RAD51: variants seen among roughly 807,000 people sequenced by gnomAD.
RAD51 encodes the protein RAD51 recombinase.
In RAD51, 14 loss-of-function variants were observed where a neutral mutation model predicts 41.5. The observed-to-expected ratio is 0.34, with a 90% CI of 0.22 to 0.53. The LOEUF (loss-of-function observed/expected upper bound fraction) is 0.53. Ranked by LOEUF, RAD51 falls within the 20% of genes least tolerant of loss-of-function variation. The pLI is 0.95. For missense variants in RAD51, 234 were observed against 422.0 expected, an observed-to-expected ratio of 0.55 and a Z score of 3.90; for synonymous variants, 136 against 148.6, an observed-to-expected ratio of 0.92 and a Z score of 0.62.
At position 40,721,244 on chromosome 15, in the gene RAD51, C is replaced by T. The variant is rs767159973; in HGVS notation, c.530+2345C>T. On this transcript the variant is annotated intron_variant, in intron 6 of 9. Transcript: ENST00000267868. ...TTCAACCCAATCCTTATCAAAATTCCAGCAAGCTTTTTTTGCAGAAATTTA... is the reference window on the plus strand; with the variant it reads ...TTCAACCCAATCCTTATCAAAATTCTAGCAAGCTTTTTTTGCAGAAATTTA... 4.9e-4 allele frequency among the ~76,000 whole-genome samples: 75 copies of T among 152,138 alleles called. 1 individual carries two copies. The highest frequency in any genetic ancestry group is 1.0e-4 in the Non-Finnish European group (7 of 68,032).
intron 5 of RAD51, among the ~76,000 whole-genome samples, chr15:40,710,858 A>C (rs887780928): frequency 2.0e-5 from 3 of 151,752 alleles, no homozygotes; most frequent in Non-Finnish European, 2.9e-5. Flanking sequence ...CAAGGACTCT[A>C]CTCCTTCCAT....
upstream of RAD51, chr15:40,695,061 G>T (rs182458373): frequency 1.3e-5 from 2 of 152,422 alleles, no homozygotes; most frequent in East Asian, 3.9e-4. Context: ...TCAAGCTCTC[G>T]AGCTCCCGTC....
rs768411477 is a variant in RAD51, at chr15:40,701,116, A to G, written c.140A>G (p.His47Arg). Residue 47 changes from histidine (H) to arginine (R), a missense_variant, in exon 3 of 10, where the codon CAT becomes CGT. By Grantham distance (29) the His-to-Arg change is conservative. Around this residue, in one of 2 missense-constraint regions of RAD51, gnomAD observed 100 missense variants for 135.5 expected, o/e 0.74. Coordinates refer to ENST00000267868, the MANE Select transcript of RAD51 (RefSeq NM_002875.5). ...AAGAAATTGGAAGAAGCTGGATTCC[A>G]TACTGTGGAGGCTGTTGCCTATGCG... Reference protein sequence around the residue: ...DVKKLEEAGFHTVEAVAYAPK... With the variant: ...DVKKLEEAGFRTVEAVAYAPK... The G allele has an allele frequency of 6.2e-7, 1 of 1,614,256 alleles. No individual in the cohort carries two copies. The highest frequency in any genetic ancestry group is 1.1e-5 in the South Asian group (1 of 91,088).
intron 1 of RAD51, 109 bp from the exon 2 acceptor site, chr15:40,698,648 C>T: frequency 6.8e-6 from 7 of 1,032,732 alleles, no homozygotes; most frequent in East Asian, 2.5e-5. Context: ...AGAGAATGGC[C>T]TTGGCTTTTC....
chr15:40,726,591 T>C (rs772664278), intron 6 of RAD51, among the ~76,000 whole-genome samples: 9 of 151,652 alleles, frequency 5.9e-5, no homozygotes, highest in Middle Eastern at 3.2e-3. Flanking sequence ...CAGGTTATTA[T>C]CTTTAAGGAA....
intron 5 of RAD51, among the ~76,000 whole-genome samples, chr15:40,710,501 C>CAAAAA (rs747933816): frequency 2.7e-4 from 13 of 48,634 alleles, no homozygotes; most frequent in Admixed American, 4.8e-4. Context: ...GACTCTGTCT[C>CAAAAA]AAAAAAAAAA....
chr15:40,712,608 C>G (rs1895759281), intron 5 of RAD51, among the ~76,000 whole-genome samples: 1 of 152,202 alleles, frequency 6.6e-6, no homozygotes. Context: ...GGCCAGTCCA[C>G]AAAGTATCCT....
intron 1 of RAD51, among the ~76,000 whole-genome samples, chr15:40,697,141 C>T (rs142909602): frequency 5.9e-5 from 9 of 152,210 alleles, no homozygotes; most frequent in African/African-American, 1.4e-4. Flanking sequence ...GCTCTTGTTG[C>T]CCAGGCTGGA....
At chr15:40,720,619 A>G (rs1896221282) in intron 6 of RAD51, among the ~76,000 whole-genome samples, 1 of 152,198 alleles carries the variant, frequency 6.6e-6, no homozygotes, top group South Asian at 2.1e-4. Flanking sequence ...AGAACTAAAT[A>G]ACTGTTCAGC....
intron 2 of RAD51, among the ~76,000 whole-genome samples, chr15:40,699,661 A>G (rs1343318141): frequency 6.6e-6 from 1 of 152,236 alleles, no homozygotes; most frequent in African/African-American, 2.4e-5. Context: ...CAGTTATGCA[A>G]GGAAGACAGG....
At chr15:40,705,123 T>C (rs555664155) in intron 3 of RAD51, among the ~76,000 whole-genome samples, 3 of 152,358 alleles carry the variant, frequency 2.0e-5, no homozygotes, top group African/African-American at 7.2e-5. Context: ...TTTTCTAATA[T>C]AGCTGTTTAT....
In RAD51 at chr15:40,728,704, C is replaced by A; in HGVS notation, c.531-7C>A. 1 of 1,611,786 alleles carries A rather than the reference C, an allele frequency of 6.2e-7. No homozygotes were observed. Among genetic ancestry groups the A allele is most frequent in the Non-Finnish European group, 8.5e-7 (1 of 1,177,996 alleles). On this transcript the variant is annotated splice_polypyrimidine_tract_variant and splice_region_variant and intron_variant, in intron 6 of 9. Coordinates refer to ENST00000267868, the MANE Select transcript of RAD51 (RefSeq NM_002875.5). ...GCAGCCTAAAAATGTTCTCTCCTCT[C>A]TCATAGGTATGGTCTCTCTGGCAGT...
chr15:40,714,012 T>TTTTTTTTTG (rs1895859703), intron 5 of RAD51, among the ~76,000 whole-genome samples: 1 of 146,012 alleles, frequency 6.8e-6, no homozygotes, highest in African/African-American at 2.6e-5. Flanking sequence ...TTTTTTTTTT[T>TTTTTTTTTG]GAGATTGGGT....
At chr15:40,707,638 ACT>A (rs2141833629) in intron 4 of RAD51, among the ~76,000 whole-genome samples, 1 of 151,862 alleles carries the variant, frequency 6.6e-6, no homozygotes, top group South Asian at 2.1e-4. Context: ...TCAGTGCTAT[ACT>A]ATCATTATGC....
intron 5 of RAD51, among the ~76,000 whole-genome samples, chr15:40,712,482 A>G (rs1326701985): frequency 6.6e-6 from 1 of 152,236 alleles, no homozygotes; most frequent in Non-Finnish European, 1.5e-5. Context: ...GATATAGAAG[A>G]GAAAGCTAAC....
chr15:40,705,761 C>G (rs750866122), intron 3 of RAD51, among the ~76,000 whole-genome samples: 1 of 152,096 alleles, frequency 6.6e-6, no homozygotes, highest in Non-Finnish European at 1.5e-5. Flanking sequence ...CCCGCCACCA[C>G]GCCCGACTAA....
In RAD51 at chr15:40,698,955, A is replaced by T. The variant is rs2304579; in HGVS notation, c.87+110A>T. The T allele has an allele frequency of 4.1e-5, 44 of 1,081,690 alleles. No homozygotes were observed. The East Asian group carries it at 1.1e-3, about 26-fold the overall frequency. The allele number at this position is 1,081,690 out of a possible 1,614,324, so 67.0% of individuals were successfully genotyped here. A position where few individuals can be genotyped will look rare whatever the true frequency, so the allele number is the denominator to read the frequency against. ...GGTTTACTACCAAGGTCAAGACCCAAATTAGACTTTTCAGAAGTGTTGTCA... is the reference window on the plus strand; with the variant it reads ...GGTTTACTACCAAGGTCAAGACCCATATTAGACTTTTCAGAAGTGTTGTCA... On this transcript the variant is annotated intron_variant, in intron 2 of 9. Transcript: ENST00000267868.
intron 6 of RAD51, among the ~76,000 whole-genome samples, chr15:40,722,800 AGC>A (rs1247441365): frequency 6.6e-6 from 1 of 152,170 alleles, no homozygotes; most frequent in Non-Finnish European, 1.5e-5. Flanking sequence ...AAGATTTATT[AGC>A]TACAACACCA....
rs949717293 is a variant in RAD51, at chr15:40,725,061, G to A, written c.531-3650G>A. Among the ~76,000 whole-genome samples, 16 of 151,244 alleles carry A rather than the reference G, an allele frequency of 1.1e-4. 1 individual carries two copies. Among genetic ancestry groups the A allele is most frequent in the African/African-American group, 2.9e-4 (12 of 41,094 alleles). On this transcript the variant is annotated intron_variant, in intron 6 of 9. Coordinates refer to ENST00000267868, the MANE Select transcript of RAD51 (RefSeq NM_002875.5). ...ACTACAGGCGCCCGCCACCGCGCCC[G>A]GCTAATTTTTTGTATTTTTAGTAGA...
Sources: gnomAD v4.1 joint callset for allele counts (sites outside exome capture counted in the v4.1 genomes callset) on GRCh38, gnomAD v4.1.1 for gene constraint, gnomAD v4.1.1 regional missense constraint, MANE v1.5 for transcripts, NCBI Gene and HGNC (gene_info 2026-07-23, HGNC 2026-07-21) for gene names.